PIBF1: variants seen among roughly 807,000 people sequenced by gnomAD.
PIBF1 encodes the protein progesterone immunomodulatory binding factor 1.
A neutral mutation model predicts 112.5 loss-of-function variants in PIBF1; 90 were observed. The ratio of observed to expected loss-of-function variants is 0.80; its 90% CI spans 0.67 to 0.95. PIBF1 has a LOEUF of 0.95. Among genes scored for constraint, PIBF1 ranks in the 40% least tolerant of loss-of-function variants. The pLI is 0.00. For missense variants in PIBF1, 915 were observed against 852.3 expected, an observed-to-expected ratio of 1.07 and a Z score of -0.92; for synonymous variants, 301 against 288.6, an observed-to-expected ratio of 1.04 and a Z score of -0.44.
At chr13:72,934,164 T>G (rs1389462533) in intron 14 of PIBF1, among the ~76,000 whole-genome samples, 1 of 152,190 alleles carries the variant, frequency 6.6e-6, no homozygotes, top group East Asian at 1.9e-4. Flanking sequence ...ATTATATTGC[T>G]TACACTGAAA....
chr13:72,839,608 G>A (rs909865135), intron 9 of PIBF1, among the ~76,000 whole-genome samples: 5 of 152,072 alleles, frequency 3.3e-5, no homozygotes, highest in African/African-American at 9.7e-5. Context: ...TTTGTTGACT[G>A]ATATAATAAC....
intron 5 of PIBF1, among the ~76,000 whole-genome samples, chr13:72,801,285 GA>G (rs1046246127): frequency 2.6e-5 from 4 of 151,392 alleles, no homozygotes; most frequent in African/African-American, 7.3e-5. Flanking sequence ...TTTACACATA[GA>G]TTTTTTTTTT....
intron 10 of PIBF1, among the ~76,000 whole-genome samples, chr13:72,876,131 A>ATTTTTTTTTTT (rs1379154834): frequency 3.6e-5 from 1 of 27,958 alleles, no homozygotes; most frequent in Non-Finnish European, 6.8e-5. Flanking sequence ...CTGTGTTCAG[A>ATTTTTTTTTTT]TTCTTTTTTT....
intron 16 of PIBF1, among the ~76,000 whole-genome samples, chr13:72,982,361 G>A (rs1350418057): frequency 6.6e-6 from 1 of 152,104 alleles, no homozygotes; most frequent in Admixed American, 6.5e-5. Context: ...GCTTGGGCCT[G>A]AGAGGTTGAG....
intron 5 of PIBF1, among the ~76,000 whole-genome samples, chr13:72,815,958 G>T (rs1390355901): frequency 6.6e-6 from 1 of 152,206 alleles, no homozygotes. Context: ...TTAACATTAA[G>T]ATTCAAATTT....
chr13:72,792,645 G>T (rs556664775), intron 3 of PIBF1, 98 bp downstream of exon 3: 1 of 609,140 alleles, frequency 1.6e-6, no homozygotes, highest in African/African-American at 1.9e-5. Context: ...CTAAAATAGA[G>T]AAATTTTAAG....
chr13:72,848,330 G>A (rs191467519), intron 9 of PIBF1, among the ~76,000 whole-genome samples: 2 of 151,968 alleles, frequency 1.3e-5, no homozygotes, highest in Non-Finnish European at 2.9e-5. Context: ...TATTGGTACT[G>A]TGAAATTTAT....
At chr13:72,797,846 A>G (rs1227352014) in intron 4 of PIBF1, 61 bp from the exon 5 acceptor site, 57 of 1,366,968 alleles carry the variant, frequency 4.2e-5, no homozygotes, top group Non-Finnish European at 5.0e-5. Context: ...GAGCACTACA[A>G]ATTACAAATT....
rs559564882 is a variant in PIBF1, at chr13:72,944,244, G to C, written c.1833+12977G>C. On this transcript the variant is annotated intron_variant, in intron 14 of 17. Coordinates refer to ENST00000326291, the MANE Select transcript of PIBF1 (RefSeq NM_006346.4). The stretch of plus-strand genomic sequence containing the variant: ...GGGTGATCACCTGAGGTCAGGAGTT[G>C]AAGACCAGCCTGGCCAACATGGTGA... 2.6e-5 allele frequency among the ~76,000 whole-genome samples: 4 copies of C among 151,972 alleles called. No homozygotes were observed. In the South Asian group the frequency reaches 6.2e-4, roughly 24 times the overall value.
At chr13:72,852,838 A>G (rs1354319181) in intron 9 of PIBF1, among the ~76,000 whole-genome samples, 1 of 152,196 alleles carries the variant, frequency 6.6e-6, no homozygotes, top group Non-Finnish European at 1.5e-5. Flanking sequence ...ATAGTGTGGC[A>G]TGATGTAAAA....
At chr13:72,929,637 T>G (rs9543177) in intron 13 of PIBF1, among the ~76,000 whole-genome samples, 15,604 of 152,152 alleles carry the variant, frequency 0.1, 1,087 homozygotes, top group Non-Finnish European at 0.15. Flanking sequence ...TTTATGATAT[T>G]TAAGTTGCAT....
chr13:72,804,597 TCAAGGGAGAAAGAGG>T (rs2035632586), intron 5 of PIBF1, among the ~76,000 whole-genome samples: 1 of 152,078 alleles, frequency 6.6e-6, no homozygotes, highest in South Asian at 2.1e-4. Flanking sequence ...ATGACCTGCT[TCAAGGGAGAAAGAGG>T]CAAGGGGAAT....
chr13:72,948,442 G>A (rs1394172544), intron 14 of PIBF1, among the ~76,000 whole-genome samples: 1 of 152,094 alleles, frequency 6.6e-6, no homozygotes, highest in African/African-American at 2.4e-5. Context: ...TGGCATTTTG[G>A]TCAAAGCTCT....
intron 11 of PIBF1, 33 bp downstream of exon 11, chr13:72,893,982 A>T: frequency 8.0e-7 from 1 of 1,254,024 alleles, no homozygotes; most frequent in Non-Finnish European, 1.1e-6. Flanking sequence ...CAACATTAGC[A>T]TGGCATGTAA....
At chr13:72,997,442 A>G (rs1390655235) in intron 16 of PIBF1, among the ~76,000 whole-genome samples, 1 of 152,234 alleles carries the variant, frequency 6.6e-6, no homozygotes, top group Non-Finnish European at 1.5e-5. Flanking sequence ...ATGCATTCTC[A>G]TGTACATTGG....
chr13:72,818,404 T>C (rs1282500400), intron 5 of PIBF1, among the ~76,000 whole-genome samples: 1 of 152,150 alleles, frequency 6.6e-6, no homozygotes, highest in Non-Finnish European at 1.5e-5. Context: ...GCCTTGAATT[T>C]TATTGATCTC....
At chr13:72,833,807 C>CTGTT (rs999227252) in intron 8 of PIBF1, among the ~76,000 whole-genome samples, 103 of 152,304 alleles carry the variant, frequency 6.8e-4, no homozygotes, top group African/African-American at 2.4e-3. Context: ...CTCTTCAGAG[C>CTGTT]TGTTAGGCAG....
chr13:72,927,956 TATAC>T (rs1457413219), intron 13 of PIBF1, among the ~76,000 whole-genome samples: 1 of 59,620 alleles, frequency 1.7e-5, no homozygotes, highest in Non-Finnish European at 3.1e-5. Flanking sequence ...TATATATATA[TATAC>T]ACATATATAT....
chr13:72,902,438 T>G, intron 11 of PIBF1, among the ~76,000 whole-genome samples: 1 of 151,256 alleles, frequency 6.6e-6, no homozygotes, highest in East Asian at 1.9e-4. Context: ...AAAGAATTGA[T>G]TGTTGGCATC....
Sources: gnomAD v4.1 joint callset for allele counts (sites outside exome capture counted in the v4.1 genomes callset) on GRCh38, gnomAD v4.1.1 for gene constraint, MANE v1.5 for transcripts, NCBI Gene and HGNC (gene_info 2026-07-23, HGNC 2026-07-21) for gene names.